The following MICAL2 variants were observed in gnomAD, a reference collection of about 807,000 sequenced individuals.
The protein encoded by MICAL2 is microtubule associated monooxygenase, calponin and LIM domain containing 2.
MICAL2 carries 77 observed loss-of-function variants against 127.3 expected under a neutral mutation model. The ratio of observed to expected loss-of-function variants is 0.60; its 90% confidence interval spans 0.50 to 0.73. The LOEUF (loss-of-function observed/expected upper bound fraction) is 0.73. Among genes scored for constraint, MICAL2 ranks in the 30% least tolerant of loss-of-function variants. The pLI is 0.00. For missense variants in MICAL2, 1,351 were observed against 1,434.4 expected (o/e 0.94, Z 0.94); for synonymous variants, 570 against 551.1 (o/e 1.03, Z -0.48).
At chr11:12,216,538 G>C (rs1856178463) in intron 8 of MICAL2, 1 of 575,402 alleles carries the variant, frequency 1.7e-6, no homozygotes, top group African/African-American at 1.9e-5. Context: ...GACGTGTGCT[G>C]CTGTGAGACC....
At chr11:12,352,901 G>A (rs1939074265) in intron 33 of MICAL2, among the ~76,000 whole-genome samples, 2 of 152,320 alleles carry the variant, frequency 1.3e-5, no homozygotes, top group African/African-American at 4.8e-5. Flanking sequence ...TGCCCATCGA[G>A]GAATTCCATG....
upstream of MICAL2, among the ~76,000 whole-genome samples, chr11:12,271,793 A>AC (rs552412728): frequency 2.9e-3 from 445 of 152,162 alleles, 2 homozygotes; most frequent in African/African-American, 0.01. Context: ...GTGGCACTGA[A>AC]CCCCATAAAA....
At chr11:12,198,100 C>T (rs1860181700) in intron 3 of MICAL2, among the ~76,000 whole-genome samples, 1 of 151,954 alleles carries the variant, frequency 6.6e-6, no homozygotes. Flanking sequence ...ACTGGCCAAC[C>T]CCCTCTCAGA....
chr11:12,121,616 G>C (rs2133473049), intron 1 of MICAL2: 1 of 152,436 alleles, frequency 6.6e-6, no homozygotes, highest in East Asian at 1.9e-4. Flanking sequence ...GGCAAACCTG[G>C]AGCTGGACTG....
chr11:12,361,559 A>C (rs1939205306), downstream of MICAL2, among the ~76,000 whole-genome samples: 1 of 152,198 alleles, frequency 6.6e-6, no homozygotes, highest in East Asian at 1.9e-4. Context: ...AACTGTGAAA[A>C]ATCATCTCAG....
downstream of MICAL2, among the ~76,000 whole-genome samples, chr11:12,264,031 G>A (rs1367110453): frequency 1.3e-5 from 2 of 152,138 alleles, no homozygotes; most frequent in African/African-American, 2.4e-5. Context: ...GTACTTTGCT[G>A]TTCTAGATGC....
chr11:12,251,114 C>T (rs533771837), intron 22 of MICAL2, among the ~76,000 whole-genome samples: 2 of 152,270 alleles, frequency 1.3e-5, no homozygotes, highest in African/African-American at 2.4e-5. Flanking sequence ...TATTGCCACA[C>T]ATTCAAGTGT....
chr11:12,256,264 G>A (rs1862312118), intron 23 of MICAL2: 2 of 159,814 alleles, frequency 1.3e-5, no homozygotes, highest in South Asian at 1.9e-4. Flanking sequence ...GCCCTGGCCC[G>A]TGCCCTCCCA....
intron 29 of MICAL2, among the ~76,000 whole-genome samples, chr11:12,315,805 A>G (rs1864225754): frequency 6.6e-6 from 1 of 152,184 alleles, no homozygotes; most frequent in Non-Finnish European, 1.5e-5. Context: ...TACTTATTCT[A>G]TCAATTTCCA....
At chr11:12,341,799 C>G (rs1938872146) in intron 32 of MICAL2, among the ~76,000 whole-genome samples, 1 of 151,990 alleles carries the variant, frequency 6.6e-6, no homozygotes, top group Non-Finnish European at 1.5e-5. Flanking sequence ...TGCACTCTAG[C>G]CTGGGCATCA....
At chr11:12,170,978 A>G (rs11826914) in intron 3 of MICAL2, among the ~76,000 whole-genome samples, 64,185 of 152,068 alleles carry the variant, frequency 0.42, 14,233 homozygotes, top group African/African-American at 0.56. Context: ...GAGCTTTACT[A>G]TGTGAGCCCC....
At chr11:12,122,933 C>T (rs1273576859) in intron 1 of MICAL2, among the ~76,000 whole-genome samples, 1 of 152,132 alleles carries the variant, frequency 6.6e-6, no homozygotes, top group Non-Finnish European at 1.5e-5. Flanking sequence ...CTTTGAACTC[C>T]TCCTTCCTGA....
chr11:12,292,924 T>C (rs543145069), downstream of MICAL2, among the ~76,000 whole-genome samples: 1 of 152,164 alleles, frequency 6.6e-6, no homozygotes, highest in East Asian at 1.9e-4. Flanking sequence ...CCACTCATGT[T>C]CCCTCTTTGC....
chr11:12,317,799 A>AC (rs1480608371), intron 29 of MICAL2, among the ~76,000 whole-genome samples: 2 of 152,010 alleles, frequency 1.3e-5, no homozygotes, highest in African/African-American at 4.8e-5. Flanking sequence ...CTCAAAAAAA[A>AC]AAAAAAGTAC....
chr11:12,274,831 T>G (rs2641929), upstream of MICAL2: 149,055 of 152,278 alleles, frequency 0.98, 73,027 homozygotes, highest in East Asian at 1. Context: ...GGCCACTGGG[T>G]GATTTTAAGC....
Position 12,244,111 on chromosome 11 carries a change from A to G in MICAL2, c.2783A>G (p.Lys928Arg), listed in dbSNP as rs758751574. 13 of 1,614,184 alleles carry G rather than the reference A, an allele frequency of 8.1e-6. No homozygotes were observed. The highest frequency in any genetic ancestry group is 1.1e-5 in the Non-Finnish European group (13 of 1,180,032). Residue 928 changes from lysine (K) to arginine (R), a missense_variant and splice_region_variant, in exon 21 of 28, where the codon AAG becomes AGG. This residue lies in a region of MICAL2 where 752 missense variants were observed against 719.4 expected (regional missense o/e 1.05). Transcript: ENST00000683283. ...GTTGACTCTGCTTCTCCTGCCAGAA[A>G]GGTAGTTGTCCTGAACAATTTGCTT... ...STVDSASPAR[K>R]EKKSPSGFHF...
At chr11:12,199,883 G>T (rs980283196) in intron 3 of MICAL2, among the ~76,000 whole-genome samples, 6 of 152,184 alleles carry the variant, frequency 3.9e-5, no homozygotes, top group African/African-American at 7.2e-5. Flanking sequence ...TCCCCACTGG[G>T]TAATAATTTA....
At chr11:12,286,808 G>A (rs748015155) in intron 2 of MICAL2, 17 of 246,494 alleles carry the variant, frequency 6.9e-5, no homozygotes, top group South Asian at 3.5e-4. Flanking sequence ...CCGAGAGGTC[G>A]AGGGGGCAGT....
chr11:12,283,599 G>T (rs1216483603), intron 2 of MICAL2, among the ~76,000 whole-genome samples: 5 of 152,240 alleles, frequency 3.3e-5, no homozygotes, highest in African/African-American at 1.2e-4. Context: ...CATCAGTTTG[G>T]GATGAGGGCA....
Sources: allele counts gnomAD v4.1 joint callset (sites outside exome capture counted in the v4.1 genomes callset), GRCh38; gene constraint gnomAD v4.1.1; regional missense constraint gnomAD v4.1.1; transcripts MANE v1.5; gene names NCBI Gene and HGNC (gene_info 2026-07-23, HGNC 2026-07-21).